The following GRIK3 variants were observed in gnomAD, a reference collection of about 807,000 sequenced individuals.
GRIK3 encodes the protein glutamate receptor ionotropic, kainate 3.
GRIK3 carries 29 observed loss-of-function variants against 102.5 expected under a neutral mutation model. The ratio of observed to expected loss-of-function variants is 0.28; its 90% CI spans 0.21 to 0.39. GRIK3 has a LOEUF of 0.39. GRIK3 is among the 10% of genes least tolerant of loss of function. The pLI, the probability that GRIK3 is intolerant of heterozygous loss-of-function variation, is 1.00. For synonymous variants in GRIK3, 511 were observed against 504.9 expected (o/e 1.01, Z -0.16); for missense variants, 908 against 1,252.4 (o/e 0.73, Z 4.15).
chr1:36,818,143 C>A (rs901725040), intron 12 of GRIK3, among the ~76,000 whole-genome samples: 1 of 152,120 alleles, frequency 6.6e-6, no homozygotes, highest in Non-Finnish European at 1.5e-5. Flanking sequence ...AAAGAAGTCA[C>A]TCAAGGGAGA....
Position 36,805,169 on chromosome 1 carries a change from T to C in GRIK3, c.2383A>G (p.Met795Val), listed in dbSNP as rs989970604. ...CTGCCCCGCCACCACTTCTCCTTCA[T>C]GATATGCAGCTTGTCCTCCTCCTGA... ...QLQEEDKLHIMKEKWWRGSGC... is the reference protein window; with the variant it reads ...QLQEEDKLHIVKEKWWRGSGC... Residue 795 changes from methionine to valine, a missense_variant, in exon 15 of 16, where the codon ATG becomes GTG. Physicochemically the swap from Met to Val is conservative, Grantham distance 21 (BLOSUM62 1). Around this residue, in one of 3 missense-constraint regions of GRIK3, gnomAD observed 297 missense variants for 362.7 expected, o/e 0.82. Transcript: ENST00000373091. The C allele has an allele frequency of 3.1e-6, 5 of 1,614,176 alleles. No homozygotes were observed. The highest frequency in any genetic ancestry group is 4.2e-6 in the Non-Finnish European group (5 of 1,180,014).
In GRIK3 at chr1:36,850,135, G is replaced by A. The variant is rs1017507925; in HGVS notation, c.1326+176C>T. On this transcript the variant is annotated intron_variant, in intron 9 of 15. Transcript: ENST00000373091. This position sits in a 1 kb window ranked among gnomAD's most constrained non-coding sequence, Gnocchi z 4.0. ...CGCAGCGGCTTCCGCCCGTGGCAGCGAGCAGCGCTGCTGCGCTCCAGCTGC... is the reference window on the plus strand; with the variant it reads ...CGCAGCGGCTTCCGCCCGTGGCAGCAAGCAGCGCTGCTGCGCTCCAGCTGC... 6 of 585,720 alleles carry A rather than the reference G, an allele frequency of 1.0e-5. No individual in the cohort carries two copies. Among genetic ancestry groups the A allele is most frequent in the South Asian group, 6.2e-5 (3 of 48,628 alleles). 36.3% of individuals were successfully genotyped at this position (585,720 alleles called of 1,614,324 possible). A position where few individuals can be genotyped will look rare whatever the true frequency, so the allele number is the denominator to read the frequency against.
intron 1 of GRIK3, among the ~76,000 whole-genome samples, chr1:37,028,645 T>TG (rs1210045519): frequency 1.3e-5 from 2 of 151,122 alleles, no homozygotes; most frequent in African/African-American, 2.4e-5. Context: ...GAATGGGGAG[T>TG]GGGGGTAGGG....
intron 1 of GRIK3, among the ~76,000 whole-genome samples, chr1:36,900,102 T>A (rs911233853): frequency 7.2e-5 from 11 of 152,234 alleles, no homozygotes; most frequent in African/African-American, 2.7e-4. Context: ...ATACACATTC[T>A]TCTCAAGCTC....
chr1:36,890,732 A>G (rs1218632500), intron 2 of GRIK3, among the ~76,000 whole-genome samples, 188 bp downstream of exon 2: 1 of 152,214 alleles, frequency 6.6e-6, no homozygotes, highest in Non-Finnish European at 1.5e-5. Flanking sequence ...ATTTTGTCCA[A>G]GGTCACACAA....
chr1:36,868,259 C>A (rs561939), intron 5 of GRIK3, among the ~76,000 whole-genome samples: 131,660 of 152,192 alleles, frequency 0.87, 57,645 homozygotes, highest in Admixed American at 0.94. Context: ...GGTAGCCTCC[C>A]TTGACTTTCC....
chr1:36,897,782 C>T (rs1641189092), intron 1 of GRIK3, among the ~76,000 whole-genome samples: 1 of 152,178 alleles, frequency 6.6e-6, no homozygotes, highest in Non-Finnish European at 1.5e-5. Flanking sequence ...CCAGCAATCT[C>T]ACTGCTAGAT....
chr1:36,929,880 A>G (rs969533590), intron 1 of GRIK3, among the ~76,000 whole-genome samples: 8 of 152,388 alleles, frequency 5.2e-5, no homozygotes, highest in Middle Eastern at 3.4e-3. Flanking sequence ...ATGTCAGCCT[A>G]GGCTGCAGGC....
At chr1:36,868,077 C>T (rs1035898854) in intron 5 of GRIK3, among the ~76,000 whole-genome samples, 1 of 152,150 alleles carries the variant, frequency 6.6e-6, no homozygotes, top group Non-Finnish European at 1.5e-5. Context: ...ATCCTAGTGT[C>T]CCCGGGTCCA....
intron 1 of GRIK3, among the ~76,000 whole-genome samples, chr1:36,914,720 C>A (rs897265276): frequency 3.9e-5 from 6 of 152,218 alleles, no homozygotes; most frequent in African/African-American, 1.4e-4. Flanking sequence ...ATCTACTCAG[C>A]CCAACGGGCC....
chr1:36,999,225 C>G lies in GRIK3; in HGVS notation c.115+34769G>C, dbSNP rs190233548. On this transcript the variant is annotated intron_variant, in intron 1 of 15. Coordinates refer to ENST00000373091, the MANE Select transcript of GRIK3 (RefSeq NM_000831.4). ...GGAATCAGGGAGGGATGTTCAGGAG[C>G]ACAGAGTTGGGGGTCTGAGGGGCAT... Among the ~76,000 whole-genome samples the G allele has an allele frequency of 2.2e-4, 34 of 152,144 alleles. 1 individual carries two copies. Among genetic ancestry groups the G allele is most frequent in the African/African-American group, 8.0e-4 (33 of 41,502 alleles).
At chr1:36,886,253 A>T (rs577747723) in intron 2 of GRIK3, among the ~76,000 whole-genome samples, 1 of 152,150 alleles carries the variant, frequency 6.6e-6, no homozygotes, top group Non-Finnish European at 1.5e-5. Flanking sequence ...AGGTGGTGCC[A>T]GGCTTTATGC....
At chr1:36,862,852 T>C (rs1411154810) in intron 5 of GRIK3, among the ~76,000 whole-genome samples, 1 of 152,200 alleles carries the variant, frequency 6.6e-6, no homozygotes, top group African/African-American at 2.4e-5. Context: ...TCAAACATCA[T>C]GTATGTGTTT....
At chr1:37,032,182 C>T (rs1464679114) in intron 1 of GRIK3, among the ~76,000 whole-genome samples, 1 of 152,162 alleles carries the variant, frequency 6.6e-6, no homozygotes, top group Non-Finnish European at 1.5e-5. Flanking sequence ...ACTCCCTAAC[C>T]CATTCAATTT....
At chr1:36,834,285 C>T (rs1316626811) in intron 10 of GRIK3, among the ~76,000 whole-genome samples, 1 of 152,020 alleles carries the variant, frequency 6.6e-6, no homozygotes, top group Non-Finnish European at 1.5e-5. Flanking sequence ...CCCCAGCAAG[C>T]GCTGTCTCAG....
intron 1 of GRIK3, among the ~76,000 whole-genome samples, chr1:37,009,125 T>C (rs534853): frequency 0.44 from 67,004 of 152,050 alleles, 17,033 homozygotes; most frequent in African/African-American, 0.7. Flanking sequence ...GAACTGTTGT[T>C]GTGAGAATTA....
At chr1:36,854,451 G>T (rs551355282) in intron 7 of GRIK3, among the ~76,000 whole-genome samples, 1 of 152,122 alleles carries the variant, frequency 6.6e-6, no homozygotes, top group African/African-American at 2.4e-5. Context: ...CGTCATTAGC[G>T]TCATTAATAA....
chr1:37,024,520 G>C (rs909954289), intron 1 of GRIK3, among the ~76,000 whole-genome samples: 9 of 150,624 alleles, frequency 6.0e-5, no homozygotes, highest in African/African-American at 2.2e-4. Flanking sequence ...GCTGAAGCGG[G>C]CAGATCACAA....
chr1:37,023,940 A>T (rs1642740779), intron 1 of GRIK3, among the ~76,000 whole-genome samples: 1 of 152,252 alleles, frequency 6.6e-6, no homozygotes, highest in Admixed American at 6.5e-5. Context: ...GATAGAACTT[A>T]CTGGGAGATA....
Sources: gnomAD v4.1 joint callset for allele counts (sites outside exome capture counted in the v4.1 genomes callset) on GRCh38, gnomAD v4.1.1 for gene constraint, gnomAD v4.1.1 regional missense constraint, Gnocchi (gnomAD v3.1) non-coding constraint, MANE v1.5 for transcripts, NCBI Gene and HGNC (gene_info 2026-07-23, HGNC 2026-07-21) for gene names.